The following EHF variants were observed in gnomAD, a reference collection of about 807,000 sequenced individuals.
The protein encoded by EHF is ESE3 transcription factor.
A neutral mutation model predicts 45.1 loss-of-function variants in EHF; 14 were observed. That is an observed-to-expected ratio of 0.31 (90% CI 0.21 to 0.49). The LOEUF is 0.49. Among genes scored for constraint, EHF ranks in the 20% least tolerant of loss-of-function variants. The probability of loss-of-function intolerance (pLI) is 0.99; values close to 1 mark genes in which losing one functional copy is unlikely to be tolerated. For missense variants in EHF, 282 were observed against 371.4 expected, an observed-to-expected ratio of 0.76 and a Z score of 1.98; for synonymous variants, 136 against 131.8, an observed-to-expected ratio of 1.03 and a Z score of -0.22.
intron 4 of EHF, 56 bp downstream of exon 4, chr11:34,649,137 C>G: frequency 6.3e-7 from 1 of 1,584,256 alleles, no homozygotes; most frequent in Non-Finnish European, 8.6e-7. Context: ...CCGGGGAGGA[C>G]AGTTGGGAGA....
chr11:34,657,572 T>C (rs1033123835), intron 7 of EHF, among the ~76,000 whole-genome samples: 4 of 152,058 alleles, frequency 2.6e-5, no homozygotes, highest in Non-Finnish European at 1.5e-5. Flanking sequence ...GTGGATCACT[T>C]GAGCTCAGGA....
intron 6 of EHF, among the ~76,000 whole-genome samples, chr11:34,655,661 G>T (rs1422605338): frequency 1.3e-5 from 2 of 152,198 alleles, no homozygotes; most frequent in African/African-American, 4.8e-5. Flanking sequence ...TAGAGTTATT[G>T]TGTGAATTAA....
intron 1 of EHF, among the ~76,000 whole-genome samples, chr11:34,641,329 C>G (rs1004237950): frequency 2.0e-5 from 3 of 152,098 alleles, no homozygotes; most frequent in African/African-American, 7.2e-5. Context: ...AGTGCCCAGC[C>G]CATTATTGGG....
At chr11:34,623,445 G>A (rs933593859) in intron 1 of EHF, among the ~76,000 whole-genome samples, 9 of 152,034 alleles carry the variant, frequency 5.9e-5, no homozygotes, top group African/African-American at 2.2e-4. Flanking sequence ...AGTATCTTTG[G>A]CCTTTGTGGA....
At chr11:34,632,602 G>C (rs925456460) in intron 1 of EHF, 7 of 1,535,368 alleles carry the variant, frequency 4.6e-6, no homozygotes, top group Non-Finnish European at 6.1e-6. Context: ...GGGGTTGCCG[G>C]AGAGAAGAGG....
chr11:34,642,513 G>T (rs1854109364), intron 1 of EHF, 115 bp from the exon 2 acceptor site: 2 of 671,266 alleles, frequency 3.0e-6, no homozygotes, highest in African/African-American at 1.8e-5. Context: ...GGCAGGCAAT[G>T]GGTGGAAGGA....
At chr11:34,658,413 G>C (rs1254948820) in intron 7 of EHF, 120 bp from the exon 8 acceptor site, 3 of 790,280 alleles carry the variant, frequency 3.8e-6, no homozygotes, top group Non-Finnish European at 6.1e-6. Context: ...CATCTTCCCT[G>C]ACAAGTAGGG....
chr11:34,648,896 A>C (rs1854856572), intron 3 of EHF, 123 bp from the exon 4 acceptor site: 1 of 904,388 alleles, frequency 1.1e-6, no homozygotes, highest in Admixed American at 2.0e-5. Context: ...CCATAAACAA[A>C]CATAGGTGAC....
intron 1 of EHF, among the ~76,000 whole-genome samples, chr11:34,637,902 T>TC (rs1853602076): frequency 1.3e-5 from 2 of 151,802 alleles, no homozygotes; most frequent in African/African-American, 4.8e-5. Flanking sequence ...TTCACTCCTT[T>TC]TTTTTTTTTT....
intron 1 of EHF, among the ~76,000 whole-genome samples, chr11:34,637,926 G>A (rs1853606725): frequency 6.8e-6 from 1 of 146,418 alleles, no homozygotes. Flanking sequence ...TTTTGAGTCA[G>A]AGTCTCGCTC....
At chr11:34,636,521 T>C (rs1209471001) in intron 1 of EHF, among the ~76,000 whole-genome samples, 1 of 152,196 alleles carries the variant, frequency 6.6e-6, no homozygotes, top group Admixed American at 6.5e-5. Context: ...ACTTGCTACA[T>C]ATGAGACGTT....
At chr11:34,657,979 A>G (rs1417303867) in intron 7 of EHF, among the ~76,000 whole-genome samples, 3 of 151,872 alleles carry the variant, frequency 2.0e-5, no homozygotes, top group East Asian at 3.9e-4. Flanking sequence ...TAGTGGCTTC[A>G]TTTTCAAATT....
At chr11:34,637,168 A>T (rs1853509704) in intron 1 of EHF, among the ~76,000 whole-genome samples, 1 of 152,128 alleles carries the variant, frequency 6.6e-6, no homozygotes, top group South Asian at 2.1e-4. Context: ...TGCTATGCCC[A>T]TATTTGCCAC....
chr11:34,658,653 A>G lies in EHF; in HGVS notation c.728A>G (p.Glu243Gly). Residue 243 changes from glutamate to glycine, a missense_variant, in exon 8 of 9, where the codon GAG (glutamate) becomes GGG (glycine). Physicochemically the swap from Glu to Gly is moderately conservative, Grantham distance 98. Around this residue, in one of 3 missense-constraint regions of EHF, gnomAD observed 41 missense variants for 87.0 expected, o/e 0.47. Coordinates refer to ENST00000257831, the MANE Select transcript of EHF (RefSeq NM_012153.6). ...SEGVFRFLKS[E>G]AVAQLWGKKK... ...GGCGTCTTCAGGTTCTTGAAATCAGAGGCAGTGGCTCAGCTATGGGGTAAA... is the reference window on the plus strand; with the variant it reads ...GGCGTCTTCAGGTTCTTGAAATCAGGGGCAGTGGCTCAGCTATGGGGTAAA... The G allele has an allele frequency of 1.9e-6, 3 of 1,613,814 alleles. No homozygotes were observed. Among genetic ancestry groups the G allele is most frequent in the Non-Finnish European group, 2.5e-6 (3 of 1,179,812 alleles).
chr11:34,626,944 G>T (rs1446055794), intron 1 of EHF, among the ~76,000 whole-genome samples: 1 of 152,136 alleles, frequency 6.6e-6, no homozygotes. Context: ...GCATTGGGCT[G>T]TTGTAAAGAT....
chr11:34,637,899 C>T (rs536447526), intron 1 of EHF, among the ~76,000 whole-genome samples: 1 of 145,842 alleles, frequency 6.9e-6, no homozygotes, highest in Non-Finnish European at 1.5e-5. Flanking sequence ...CATTTCACTC[C>T]TTTTTTTTTT....
At chr11:34,658,778 T>G in intron 8 of EHF, 50 bp downstream of exon 8, 1 of 1,607,430 alleles carries the variant, frequency 6.2e-7, no homozygotes, top group Non-Finnish European at 8.5e-7. Flanking sequence ...GACCCATTAT[T>G]TACCTAGCAA....
chr11:34,638,004 C>A (rs367945600), intron 1 of EHF, among the ~76,000 whole-genome samples: 2 of 151,546 alleles, frequency 1.3e-5, no homozygotes, highest in African/African-American at 4.9e-5. Flanking sequence ...TGGGTTCAAG[C>A]GATTCTCCTG....
At chr11:34,656,703 A>G (rs1000355673) in intron 6 of EHF, among the ~76,000 whole-genome samples, 2 of 152,178 alleles carry the variant, frequency 1.3e-5, no homozygotes, top group Admixed American at 6.5e-5. Flanking sequence ...TCCCAAGTCC[A>G]TACATCTATC....
Sources: allele counts gnomAD v4.1 joint callset (sites outside exome capture counted in the v4.1 genomes callset), GRCh38; gene constraint gnomAD v4.1.1; regional missense constraint gnomAD v4.1.1; transcripts MANE v1.5; gene names NCBI Gene and HGNC (gene_info 2026-07-23, HGNC 2026-07-21).